The following C3orf85 variants were observed in gnomAD, a reference collection of about 807,000 sequenced individuals.
C3orf85 encodes uncharacterized protein C3orf85.
C3orf85 carries 1 observed loss-of-function variant against 1.7 expected under a neutral mutation model. That is an observed-to-expected ratio of 0.60 (90% CI 0.21 to 2.86). The LOEUF (loss-of-function observed/expected upper bound fraction) is 2.86. Among genes scored for constraint, C3orf85 ranks in the 30% most tolerant of loss-of-function variants. The pLI is 0.22. For missense variants in C3orf85, 29 were observed against 21.3 expected (o/e 1.36, Z -0.72); for synonymous variants, 17 against 8.0 (o/e 2.13, Z -1.90).
intron 3 of C3orf85, 105 bp from the exon 4 acceptor site, chr3:109,149,700 T>C (rs150955531): frequency 7.9e-5 from 31 of 394,166 alleles, no homozygotes; most frequent in Non-Finnish European, 1.3e-4. Flanking sequence ...TCTTCCATTA[T>C]ATTTTTCTCA....
chr3:109,137,635 G>GTATATATATATATATATA (rs1436615146), intron 2 of C3orf85, among the ~76,000 whole-genome samples: 2 of 48,794 alleles, frequency 4.1e-5, no homozygotes, highest in African/African-American at 8.3e-5. Flanking sequence ...GTGTGTGTGT[G>GTATATATATATATATATA]TGTATATATA....
intron 3 of C3orf85, chr3:109,149,350 C>T (rs1706841968): frequency 6.6e-6 from 1 of 152,166 alleles, no homozygotes. Context: ...TTTGCACTTG[C>T]TGATGAAAAC....
chr3:109,143,164 C>A (rs1328270423), intron 2 of C3orf85, among the ~76,000 whole-genome samples: 1 of 152,344 alleles, frequency 6.6e-6, no homozygotes, highest in African/African-American at 2.4e-5. Context: ...CCTAAATGAG[C>A]TTCCTCTACA....
At chr3:109,141,225 G>C (rs899346230) in intron 2 of C3orf85, among the ~76,000 whole-genome samples, 1 of 152,108 alleles carries the variant, frequency 6.6e-6, no homozygotes, top group Admixed American at 6.5e-5. Context: ...GACCTCAGGT[G>C]ATCCACCCAC....
chr3:109,138,048 T>C (rs1484304184), intron 2 of C3orf85, among the ~76,000 whole-genome samples: 2 of 152,190 alleles, frequency 1.3e-5, no homozygotes, highest in African/African-American at 4.8e-5. Flanking sequence ...CACCTATGAA[T>C]GCTTCAGGGT....
At chr3:109,145,346 G>T (rs1189019581) in intron 2 of C3orf85, among the ~76,000 whole-genome samples, 1 of 152,186 alleles carries the variant, frequency 6.6e-6, no homozygotes, top group Admixed American at 6.5e-5. Flanking sequence ...AACTTTGATG[G>T]TATTATGCCA....
At chr3:109,141,635 T>G (rs113967838) in intron 2 of C3orf85, among the ~76,000 whole-genome samples, 1 of 152,280 alleles carries the variant, frequency 6.6e-6, no homozygotes, top group Non-Finnish European at 1.5e-5. Context: ...AGGGAACATG[T>G]TCTACTAAAC....
At chr3:109,142,028 C>CA (rs367949639) in intron 2 of C3orf85, among the ~76,000 whole-genome samples, 3,606 of 146,000 alleles carry the variant, frequency 0.025, 89 homozygotes, top group African/African-American at 0.062. Flanking sequence ...GACTACATCT[C>CA]AAAAAAAAAA....
At chr3:109,144,189 G>A (rs78849004) in intron 2 of C3orf85, among the ~76,000 whole-genome samples, 4,333 of 152,138 alleles carry the variant, frequency 0.028, 167 homozygotes, top group Admixed American at 0.11. Context: ...TATTAGATAG[G>A]TTCACAAACA....
intron 3 of C3orf85, chr3:109,149,528 C>G (rs1478632886): frequency 8.0e-6 from 2 of 250,350 alleles, no homozygotes; most frequent in Non-Finnish European, 7.6e-6. Context: ...TCTCCTGCCT[C>G]TACTTGTAGA....
chr3:109,145,054 CT>C (rs566807995), intron 2 of C3orf85, among the ~76,000 whole-genome samples: 85 of 151,986 alleles, frequency 5.6e-4, no homozygotes, highest in Non-Finnish European at 1.1e-3. Context: ...ATGCGTGTTC[CT>C]TCCTCCTGTC....
intron 2 of C3orf85, among the ~76,000 whole-genome samples, chr3:109,145,335 G>T (rs990391114): frequency 3.3e-5 from 5 of 152,196 alleles, no homozygotes; most frequent in Non-Finnish European, 5.9e-5. Flanking sequence ...CAATGTGGAA[G>T]AACTTTGATG....
At chr3:109,139,054 A>G (rs1706710051) in intron 2 of C3orf85, among the ~76,000 whole-genome samples, 2 of 152,230 alleles carry the variant, frequency 1.3e-5, no homozygotes, top group Non-Finnish European at 2.9e-5. Flanking sequence ...TGAAAATACT[A>G]ATAGATGCTA....
intron 2 of C3orf85, among the ~76,000 whole-genome samples, chr3:109,139,296 G>T (rs1011208977): frequency 1.3e-5 from 2 of 152,212 alleles, no homozygotes; most frequent in African/African-American, 4.8e-5. Flanking sequence ...AGTGGTAGAG[G>T]CAGTATCATA....
intron 2 of C3orf85, among the ~76,000 whole-genome samples, chr3:109,139,834 T>C (rs947559542): frequency 6.6e-6 from 1 of 152,194 alleles, no homozygotes; most frequent in East Asian, 1.9e-4. Flanking sequence ...GTTTTTCCTC[T>C]GGTAGTTCCA....
chr3:109,139,024 G>C (rs2107832254), intron 2 of C3orf85, among the ~76,000 whole-genome samples: 1 of 152,272 alleles, frequency 6.6e-6, no homozygotes, highest in Admixed American at 6.5e-5. Flanking sequence ...GGCTATCTTA[G>C]TCAGTTCTCA....
rs140899874 is a variant in C3orf85 at position 109,149,109 on chromosome 3, C to G, written c.184-696C>G. Reference sequence around the variant, plus strand: ...GAATTATCTGAGTATTTCAATTATTCATGATCTCCCTCTTACAATTTAGCA... The same window carrying G: ...GAATTATCTGAGTATTTCAATTATTGATGATCTCCCTCTTACAATTTAGCA... On this transcript the variant is annotated intron_variant, in intron 3 of 3. Transcript: ENST00000622536. The G allele has an allele frequency of 1.0e-3, 155 of 152,316 alleles. 3 individuals are homozygous for G. Among genetic ancestry groups the G allele is most frequent in the African/African-American group, 3.5e-3 (147 of 41,562 alleles). 9.4% of individuals were successfully genotyped at this position (152,316 alleles called of 1,614,324 possible).
chr3:109,148,593 T>A, intron 3 of C3orf85: 3 of 505,256 alleles, frequency 5.9e-6, no homozygotes, highest in Non-Finnish European at 7.0e-6. Context: ...CAAATGTCCC[T>A]CTGAAGCCTT....
chr3:109,140,453 C>T (rs1351768778), intron 2 of C3orf85, among the ~76,000 whole-genome samples: 2 of 152,238 alleles, frequency 1.3e-5, no homozygotes, highest in Non-Finnish European at 2.9e-5. Flanking sequence ...GGGTCCACCC[C>T]TTCTCCCAGT....
Sources: allele counts gnomAD v4.1 joint callset (sites outside exome capture counted in the v4.1 genomes callset), GRCh38; gene constraint gnomAD v4.1.1; transcripts MANE v1.5; gene names NCBI Gene and HGNC (gene_info 2026-07-23, HGNC 2026-07-21).